Variants in SUMF1 observed in about 807,000 individuals in gnomAD.
The protein encoded by SUMF1 is sulfatase modifying factor 1.
Under a neutral mutation model 47.6 loss-of-function variants are expected in SUMF1, and 48 were observed. The ratio of observed to expected loss-of-function variants is 1.01; its 90% CI spans 0.80 to 1.28. SUMF1 has a LOEUF of 1.28. Among genes scored for constraint, SUMF1 ranks in the 50% most tolerant of loss-of-function variants. The pLI, the probability that SUMF1 is intolerant of heterozygous loss-of-function variation, is 0.00. For missense variants in SUMF1, 571 were observed against 485.4 expected (o/e 1.18, Z -1.66); for synonymous variants, 230 against 192.1 (o/e 1.20, Z -1.63).
chr3:4,316,107 T>C (rs1698631986), intron 8 of SUMF1: 3 of 548,858 alleles, frequency 5.5e-6, no homozygotes, highest in Non-Finnish European at 9.7e-6. Flanking sequence ...GTATTTGATA[T>C]TGGAATACAT....
At chr3:4,253,302 C>G (rs995726871) in intron 8 of SUMF1, among the ~76,000 whole-genome samples, 2 of 152,174 alleles carry the variant, frequency 1.3e-5, no homozygotes, top group East Asian at 1.9e-4. Flanking sequence ...CAGCTCCCAG[C>G]GTGAGTGACG....
intron 8 of SUMF1, among the ~76,000 whole-genome samples, chr3:4,269,431 A>G (rs1055328007): frequency 1.3e-5 from 2 of 152,226 alleles, no homozygotes; most frequent in African/African-American, 4.8e-5. Flanking sequence ...CCAATTTTTT[A>G]AACCTTAAAT....
Position 4,307,067 on chromosome 3 carries a change from A to T in SUMF1, c.1014+69263T>A, listed in dbSNP as rs1184271822. Among the ~76,000 whole-genome samples, 4 of 152,222 alleles carry T rather than the reference A, an allele frequency of 2.6e-5. No homozygotes were observed. The East Asian group carries it at 7.7e-4, about 29-fold the overall frequency. The stretch of plus-strand genomic sequence containing the variant: ...AGCTGCTTGGAGGAAAAACAAACTT[A>T]TGAGGCTAGAGGCCAAGTACAAAGA... On this transcript the variant is annotated intron_variant and NMD_transcript_variant, in intron 8 of 12. Coordinates refer to the SUMF1 transcript ENST00000448413.
At chr3:4,073,133 T>C (rs1263551739) in intron 8 of SUMF1, among the ~76,000 whole-genome samples, 2 of 152,136 alleles carry the variant, frequency 1.3e-5, no homozygotes, top group African/African-American at 4.8e-5. Flanking sequence ...TAACAGCGGA[T>C]CTCTCTGCAG....
chr3:4,405,236 C>A (rs901326635), intron 7 of SUMF1, among the ~76,000 whole-genome samples: 2 of 152,162 alleles, frequency 1.3e-5, no homozygotes, highest in East Asian at 3.8e-4. Flanking sequence ...AGTATACATG[C>A]TAATCTCTGG....
chr3:4,382,908 T>C (rs565963304), intron 7 of SUMF1, among the ~76,000 whole-genome samples: 17 of 151,952 alleles, frequency 1.1e-4, no homozygotes, highest in East Asian at 7.7e-4. Flanking sequence ...CATCACACAC[T>C]GGGGCCTGTC....
At position 4,076,074 on chromosome 3, in the gene SUMF1, T is replaced by C. The variant is rs140526426; in HGVS notation, c.1015-7329A>G. ...AAGAACAAAGCTGGAGGCATCATGC[T>C]ACCTGACTTTAAACTATACTACAAG... is the stretch of plus-strand genomic sequence containing the variant. On this transcript the variant is annotated intron_variant and NMD_transcript_variant, in intron 8 of 12. Coordinates refer to the SUMF1 transcript ENST00000448413. Among the ~76,000 whole-genome samples, 597 of 152,242 alleles carry C rather than the reference T, an allele frequency of 3.9e-3. 4 individuals carry two copies. The highest frequency in any genetic ancestry group is 0.014 in the African/African-American group (565 of 41,520).
At chr3:4,369,557 T>C (rs921083567) in intron 8 of SUMF1, among the ~76,000 whole-genome samples, 2 of 152,194 alleles carry the variant, frequency 1.3e-5, no homozygotes, top group Non-Finnish European at 2.9e-5. Context: ...CAGGGGGAGC[T>C]ACACAGATGA....
chr3:4,199,461 T>C (rs553842646), intron 8 of SUMF1, among the ~76,000 whole-genome samples: 1 of 152,262 alleles, frequency 6.6e-6, no homozygotes, highest in East Asian at 1.9e-4. Context: ...TGTGCACATA[T>C]GATTTCATTC....
intron 9 of SUMF1, among the ~76,000 whole-genome samples, chr3:4,043,381 A>G (rs961527497): frequency 2.0e-5 from 3 of 152,146 alleles, no homozygotes; most frequent in Non-Finnish European, 4.4e-5. Flanking sequence ...CCAGTTGAGC[A>G]TGTCTTCTAT....
chr3:4,188,225 G>A (rs868782484), intron 8 of SUMF1, among the ~76,000 whole-genome samples: 3 of 151,408 alleles, frequency 2.0e-5, no homozygotes, highest in Non-Finnish European at 4.4e-5. Flanking sequence ...ACGCAGGCTG[G>A]AGTGCAACGG....
chr3:4,070,890 C>G (rs1318829724), intron 8 of SUMF1, among the ~76,000 whole-genome samples: 8 of 152,070 alleles, frequency 5.3e-5, no homozygotes, highest in Non-Finnish European at 1.2e-4. Context: ...CTCGGCCTCC[C>G]AAAGTGCTGG....
intron 9 of SUMF1, among the ~76,000 whole-genome samples, chr3:4,065,792 T>C (rs1695361842): frequency 6.6e-6 from 1 of 152,096 alleles, no homozygotes; most frequent in Non-Finnish European, 1.5e-5. Context: ...TTTAAAGTCA[T>C]CCAACAAGGA....
chr3:4,194,181 GT>G (rs57528858), intron 8 of SUMF1, among the ~76,000 whole-genome samples: 31 of 152,138 alleles, frequency 2.0e-4, no homozygotes, highest in African/African-American at 7.0e-4. Context: ...GAAGAACTGA[GT>G]TTTTTTACTT....
At chr3:4,179,588 C>T (rs1695046778) in intron 8 of SUMF1, among the ~76,000 whole-genome samples, 2 of 152,072 alleles carry the variant, frequency 1.3e-5, no homozygotes, top group South Asian at 2.1e-4. Flanking sequence ...AAGAAAAAAA[C>T]CCGAGAAGAA....
At chr3:4,391,651 T>G (rs1179246627) in intron 7 of SUMF1, among the ~76,000 whole-genome samples, 1 of 152,056 alleles carries the variant, frequency 6.6e-6, no homozygotes, top group Non-Finnish European at 1.5e-5. Flanking sequence ...CCTGACTAAT[T>G]TTTGTAATTT....
intron 8 of SUMF1, among the ~76,000 whole-genome samples, chr3:4,370,469 T>A (rs1409888211): frequency 6.6e-6 from 1 of 152,224 alleles, no homozygotes; most frequent in Non-Finnish European, 1.5e-5. Flanking sequence ...GGCATATTTC[T>A]ACCTGTCACT....
intron 7 of SUMF1, 115 bp from the exon 8 acceptor site, chr3:4,376,504 C>T (rs766239030): frequency 9.7e-7 from 1 of 1,032,430 alleles, no homozygotes; most frequent in Non-Finnish European, 1.5e-6. Context: ...AAACTCTCCA[C>T]ATGCATTTCC....
intron 8 of SUMF1, among the ~76,000 whole-genome samples, chr3:4,096,755 G>A (rs991489408): frequency 6.6e-5 from 10 of 152,096 alleles, no homozygotes. Context: ...AAATGGAAAT[G>A]TCCACAGCAA....
Sources: allele counts gnomAD v4.1 joint callset (sites outside exome capture counted in the v4.1 genomes callset), GRCh38; gene constraint gnomAD v4.1.1; transcripts MANE v1.5; gene names NCBI Gene and HGNC (gene_info 2026-07-23, HGNC 2026-07-21).